CDH23: variants seen among roughly 807,000 people sequenced by gnomAD.
The protein encoded by CDH23 is cadherin related 23, also known as cadherin-23.
A neutral mutation model predicts 317.1 loss-of-function variants in CDH23; 189 were observed. The ratio of observed to expected loss-of-function variants is 0.60; its 90% CI spans 0.53 to 0.67. The LOEUF is 0.67. CDH23 is among the 30% of genes least tolerant of loss of function. The probability of loss-of-function intolerance (pLI) is 0.00; values close to 1 mark genes in which losing one functional copy is unlikely to be tolerated. For synonymous variants in CDH23, 1,839 were observed against 1,876.8 expected, an observed-to-expected ratio of 0.98 and a Z score of 0.52; for missense variants, 4,401 against 4,592.4, an observed-to-expected ratio of 0.96 and a Z score of 1.20.
At chr10:71,402,020 G>T (rs1345017180) in intron 1 of CDH23, among the ~76,000 whole-genome samples, 1 of 152,142 alleles carries the variant, frequency 6.6e-6, no homozygotes, top group African/African-American at 2.4e-5. Flanking sequence ...TATTTAAAAC[G>T]TAGCCACATG....
In CDH23 at chr10:71,533,292, T is replaced by G. The variant is rs966987904; in HGVS notation, c.429+22080T>G. ...TTATCTGGACCTTGGCTTCCTTGTCTGCATAATGAGGACAGGAATACCTCC... is the reference window on the plus strand; with the variant it reads ...TTATCTGGACCTTGGCTTCCTTGTCGGCATAATGAGGACAGGAATACCTCC... On this transcript the variant is annotated intron_variant, in intron 6 of 69. Coordinates refer to ENST00000224721, the MANE Select transcript of CDH23 (RefSeq NM_022124.6). Among the ~76,000 whole-genome samples the G allele has an allele frequency of 3.3e-5, 5 of 152,202 alleles. 1 individual carries two copies. Among genetic ancestry groups the G allele is most frequent in the African/African-American group, 1.2e-4 (5 of 41,452 alleles).
At chr10:71,570,247 A>G (rs1267491479) in intron 7 of CDH23, among the ~76,000 whole-genome samples, 1 of 152,174 alleles carries the variant, frequency 6.6e-6, no homozygotes, top group Admixed American at 6.5e-5. Flanking sequence ...CAAGGGACTC[A>G]TGAATGCAGG....
intron 1 of CDH23, among the ~76,000 whole-genome samples, chr10:71,403,362 T>C (rs1293992962): frequency 0.03 from 3,106 of 103,242 alleles, 182 homozygotes; most frequent in African/African-American, 0.09. Flanking sequence ...TTTCTTTCTT[T>C]CTTTCTTTCT....
At chr10:71,636,512 G>T (rs1346228550) in intron 11 of CDH23, among the ~76,000 whole-genome samples, 1 of 152,140 alleles carries the variant, frequency 6.6e-6, no homozygotes, top group African/African-American at 2.4e-5. Context: ...CTGTCTCAGA[G>T]AAAAGAAAGA....
At chr10:71,607,728 C>A (rs930044605) in intron 9 of CDH23, among the ~76,000 whole-genome samples, 4 of 152,130 alleles carry the variant, frequency 2.6e-5, no homozygotes, top group Non-Finnish European at 5.9e-5. Context: ...CATGGTGAAA[C>A]CCTGTCTCTA....
In CDH23 at chr10:71,538,516, AT is replaced by A. The variant is rs139696237; in HGVS notation, c.429+27307del. ...CATTGGCCCGCCCCAGCCAAAAGCC[AT>A]TTCTCTTCCTGCTTCCCTGTCATGT... is the stretch of plus-strand genomic sequence containing the variant. On this transcript the variant is annotated intron_variant, in intron 6 of 69. Transcript: ENST00000224721. 6.1e-3 allele frequency among the ~76,000 whole-genome samples: 928 copies of A among 152,192 alleles called. 12 individuals carry two copies. The highest frequency in any genetic ancestry group is 0.019 in the African/African-American group (782 of 41,518).
chr10:71,705,029 C>G lies in CDH23; in HGVS notation c.2852C>G (p.Thr951Ser). The G allele has an allele frequency of 6.2e-7, 1 of 1,612,740 alleles. No individual in the cohort carries two copies. Among genetic ancestry groups the G allele is most frequent in the African/African-American group, 1.3e-5 (1 of 75,046 alleles). ...NSSSGVVVTT[T>S]ELDRERIAEY... ...AGCAGCGGCGTGGTGGTCACCACCA[C>G]CGAGCTGGACCGCGAGCGCATCGCG... The change falls in exon 25 of 70, where the codon ACC (threonine) becomes AGC (serine). Residue 951 changes from threonine to serine, a missense_variant. By Grantham distance (58) the Thr-to-Ser change is moderately conservative. This residue lies in a region of CDH23 where 3,068 missense variants were observed against 3,203.3 expected (regional missense o/e 0.96). Transcript: ENST00000224721.
chr10:71,796,165 CCCCT>C, intron 48 of CDH23: 2 of 887,058 alleles, frequency 2.3e-6, no homozygotes, highest in Non-Finnish European at 2.7e-6. Flanking sequence ...ATCTCAGATA[CCCCT>C]GTACCTGAGA....
At chr10:71,404,691 G>T (rs1167240395) in intron 1 of CDH23, among the ~76,000 whole-genome samples, 1 of 152,220 alleles carries the variant, frequency 6.6e-6, no homozygotes, top group East Asian at 1.9e-4. Context: ...TTGTCTTTCA[G>T]ACCCCAGCAG....
chr10:71,792,406 G>A (rs1269583483), intron 47 of CDH23, among the ~76,000 whole-genome samples: 1 of 152,018 alleles, frequency 6.6e-6, no homozygotes, highest in Admixed American at 6.5e-5. Flanking sequence ...TGGGTAAGAA[G>A]GTTCTAAGCA....
At chr10:71,444,559 G>A (rs1176899739) in intron 2 of CDH23, among the ~76,000 whole-genome samples, 1 of 152,220 alleles carries the variant, frequency 6.6e-6, no homozygotes, top group African/African-American at 2.4e-5. Flanking sequence ...GAAGGCAGAA[G>A]GGCCATCGGT....
chr10:71,723,635 C>T (rs868362991), intron 28 of CDH23, among the ~76,000 whole-genome samples: 14 of 152,090 alleles, frequency 9.2e-5, no homozygotes, highest in African/African-American at 1.2e-4. Context: ...CAAGGAAATG[C>T]GGGCAAGAAG....
chr10:71,646,709 A>G (rs1371885548), intron 14 of CDH23, 92 bp downstream of exon 14: 10 of 1,612,744 alleles, frequency 6.2e-6, no homozygotes, highest in Non-Finnish European at 8.5e-6. Flanking sequence ...GACCTCAGCA[A>G]TCAGGGAAGG....
At chr10:71,735,793 G>C (rs1589385702) in intron 34 of CDH23, among the ~76,000 whole-genome samples, 1 of 152,242 alleles carries the variant, frequency 6.6e-6, no homozygotes, top group Admixed American at 6.5e-5. Flanking sequence ...CATCCGTGGG[G>C]CCAGCCTGGG....
chr10:71,542,561 A>C (rs1311903125), intron 6 of CDH23, among the ~76,000 whole-genome samples: 1 of 152,092 alleles, frequency 6.6e-6, no homozygotes, highest in African/African-American at 2.4e-5. Context: ...TCTGCCCACA[A>C]GTCTTTGCCC....
chr10:71,447,154 T>C (rs543701067), intron 3 of CDH23, among the ~76,000 whole-genome samples: 69 of 152,278 alleles, frequency 4.5e-4, no homozygotes, highest in Admixed American at 9.8e-4. Context: ...CATCTCTACA[T>C]GTGCAAAGGC....
In CDH23 at chr10:71,500,063, G is replaced by C. The variant is rs141180968; in HGVS notation, c.146-10019G>C. ...AGGATAGTGCTGTGTAGCACAATAG[G>C]GTGGCTATAGTTAGCAATAATTTAT... On this transcript the variant is annotated intron_variant, in intron 3 of 69. Transcript: ENST00000224721. 4.2e-3 allele frequency among the ~76,000 whole-genome samples: 629 copies of C among 151,118 alleles called. 5 individuals are homozygous for C. The highest frequency in any genetic ancestry group is 0.013 in the African/African-American group (532 of 41,132).
Position 71,450,266 on chromosome 10 carries a change from T to C in CDH23, c.145+3871T>C, listed in dbSNP as rs1488746294. Among the ~76,000 whole-genome samples, 52 of 88,120 alleles carry C rather than the reference T, an allele frequency of 5.9e-4. No individual in the cohort carries two copies. In the East Asian group the frequency reaches 8.8e-3, roughly 15 times the overall value. The allele number at this position is 88,120 out of a possible 152,430, so 57.8% of individuals were successfully genotyped here. A position where few individuals can be genotyped will look rare whatever the true frequency, so the allele number is the denominator to read the frequency against. On this transcript the variant is annotated intron_variant, in intron 3 of 69. Coordinates refer to ENST00000224721, the MANE Select transcript of CDH23 (RefSeq NM_022124.6). Reference sequence around the variant, plus strand: ...CCACTTAACCTCCTGAATCTACTTTTTTTTTTTTTTTTTTTTTGAGACGGA... The same window carrying C: ...CCACTTAACCTCCTGAATCTACTTTCTTTTTTTTTTTTTTTTTGAGACGGA...
intron 3 of CDH23, among the ~76,000 whole-genome samples, chr10:71,489,566 C>A (rs1355847664): frequency 1.4e-5 from 2 of 147,576 alleles, no homozygotes; most frequent in African/African-American, 5.0e-5. Flanking sequence ...CTATTTTTTT[C>A]TTTAGGTTTT....
Sources: gnomAD v4.1 joint callset for allele counts (sites outside exome capture counted in the v4.1 genomes callset) on GRCh38, gnomAD v4.1.1 for gene constraint, gnomAD v4.1.1 regional missense constraint, MANE v1.5 for transcripts, NCBI Gene and HGNC (gene_info 2026-07-23, HGNC 2026-07-21) for gene names.